The following GRXCR1 variants were observed in gnomAD, a reference collection of about 807,000 sequenced individuals.
GRXCR1 encodes the protein glutaredoxin domain-containing cysteine-rich protein 1.
In GRXCR1, 27 loss-of-function variants were observed where a neutral mutation model predicts 27.3. That is an observed-to-expected ratio of 0.99 (90% confidence interval 0.73 to 1.37). The LOEUF (loss-of-function observed/expected upper bound fraction) is 1.37, where lower values mean the gene tolerates loss of function less well. Ranked by LOEUF, GRXCR1 falls within the 40% of genes most tolerant of loss-of-function variation. The probability of loss-of-function intolerance (pLI) is 0.00; values close to 1 mark genes in which losing one functional copy is unlikely to be tolerated. For synonymous variants in GRXCR1, 122 were observed against 131.1 expected, an observed-to-expected ratio of 0.93 and a Z score of 0.47; for missense variants, 379 against 354.4, an observed-to-expected ratio of 1.07 and a Z score of -0.56.
At chr4:42,932,663 G>GA (rs1401583780) in intron 1 of GRXCR1, among the ~76,000 whole-genome samples, 7 of 115,914 alleles carry the variant, frequency 6.0e-5, no homozygotes, top group African/African-American at 2.3e-4. Context: ...GAGAGAGAGA[G>GA]AGGCAATCTG....
intron 1 of GRXCR1, among the ~76,000 whole-genome samples, chr4:42,926,326 G>A (rs1271790185): frequency 6.6e-6 from 1 of 152,050 alleles, no homozygotes; most frequent in Non-Finnish European, 1.5e-5. Context: ...CATATGAGCA[G>A]AAATTATTTT....
intron 1 of GRXCR1, among the ~76,000 whole-genome samples, chr4:42,949,900 A>C (rs1047905128): frequency 1.3e-5 from 2 of 152,156 alleles, no homozygotes; most frequent in African/African-American, 4.8e-5. Context: ...TATTCTGGGA[A>C]TTCTACAGGG....
intron 1 of GRXCR1, among the ~76,000 whole-genome samples, chr4:42,895,802 C>T (rs2109734797): frequency 6.6e-6 from 1 of 152,234 alleles, no homozygotes; most frequent in South Asian, 2.1e-4. Context: ...AGGCATCCCA[C>T]AGAGAAGCCC....
intron 1 of GRXCR1, among the ~76,000 whole-genome samples, chr4:42,925,940 A>T (rs986254522): frequency 4.6e-5 from 7 of 152,044 alleles, no homozygotes; most frequent in African/African-American, 1.7e-4. Context: ...AAGTTCAGAT[A>T]ACTCTGGGTC....
chr4:42,948,205 G>C (rs1237540538), intron 1 of GRXCR1, among the ~76,000 whole-genome samples: 1 of 145,862 alleles, frequency 6.9e-6, no homozygotes, highest in Non-Finnish European at 1.5e-5. Context: ...GTCATGCTCT[G>C]TGTTTGCTTT....
chr4:42,895,649 CT>C (rs1314933661), intron 1 of GRXCR1, among the ~76,000 whole-genome samples: 1 of 152,072 alleles, frequency 6.6e-6, no homozygotes, highest in African/African-American at 2.4e-5. Context: ...AATGGTACCC[CT>C]TAAAGTTGTG....
At chr4:43,020,682 C>T (rs957582513) in intron 3 of GRXCR1, among the ~76,000 whole-genome samples, 3 of 152,096 alleles carry the variant, frequency 2.0e-5, no homozygotes, top group Non-Finnish European at 4.4e-5. Context: ...GTAATACAGA[C>T]GTTGATGAGG....
At chr4:42,901,118 G>A (rs530360698) in intron 1 of GRXCR1, among the ~76,000 whole-genome samples, 1 of 152,232 alleles carries the variant, frequency 6.6e-6, no homozygotes, top group African/African-American at 2.4e-5. Flanking sequence ...CAGAAATCAA[G>A]AACATGGTCA....
intron 1 of GRXCR1, among the ~76,000 whole-genome samples, chr4:42,939,716 T>C (rs1747564880): frequency 6.6e-6 from 1 of 152,082 alleles, no homozygotes; most frequent in Non-Finnish European, 1.5e-5. Flanking sequence ...ATTATTGTAC[T>C]GGAGTCCAGA....
intron 1 of GRXCR1, among the ~76,000 whole-genome samples, chr4:42,909,572 T>C (rs1746671200): frequency 6.6e-6 from 1 of 152,198 alleles, no homozygotes; most frequent in Non-Finnish European, 1.5e-5. Flanking sequence ...TGCCATCTGG[T>C]TAGCCAATTT....
chr4:43,011,717 T>C (rs1427223447), intron 2 of GRXCR1, among the ~76,000 whole-genome samples: 1 of 152,180 alleles, frequency 6.6e-6, no homozygotes, highest in East Asian at 1.9e-4. Flanking sequence ...GAGCAACATA[T>C]GACTTGTTAG....
chr4:43,012,604 T>C (rs1712795153), intron 2 of GRXCR1, among the ~76,000 whole-genome samples: 4 of 152,174 alleles, frequency 2.6e-5, no homozygotes, highest in Admixed American at 2.6e-4. Flanking sequence ...TCATATTATG[T>C]GTCATGCAAC....
intron 2 of GRXCR1, among the ~76,000 whole-genome samples, chr4:42,987,033 T>TGC (rs58630694): frequency 6.7e-6 from 1 of 148,676 alleles, no homozygotes; most frequent in Non-Finnish European, 1.5e-5. Flanking sequence ...TGTGTGTGTG[T>TGC]TTAGGGGGTA....
At chr4:42,918,506 C>T (rs1746936814) in intron 1 of GRXCR1, among the ~76,000 whole-genome samples, 1 of 152,056 alleles carries the variant, frequency 6.6e-6, no homozygotes, top group Non-Finnish European at 1.5e-5. Context: ...TCCACTTCTG[C>T]TGAACATGAG....
At chr4:43,019,527 G>A (rs776851154) in intron 2 of GRXCR1, among the ~76,000 whole-genome samples, 1 of 152,132 alleles carries the variant, frequency 6.6e-6, no homozygotes, top group African/African-American at 2.4e-5. Flanking sequence ...CATGGTCTCC[G>A]TCTTTGATTA....
At chr4:42,924,700 A>T (rs997872123) in intron 1 of GRXCR1, among the ~76,000 whole-genome samples, 1 of 152,074 alleles carries the variant, frequency 6.6e-6, no homozygotes. Context: ...CCTAGAACTT[A>T]CTTCCTAATT....
intron 1 of GRXCR1, among the ~76,000 whole-genome samples, chr4:42,932,599 TATATATATATATATATATATAGAGAGAG>T (rs1337092412): frequency 1.7e-5 from 1 of 57,724 alleles, no homozygotes; most frequent in Non-Finnish European, 3.3e-5. Flanking sequence ...TATATATATA[TATATATATATATATATATATAGAGAGAG>T]AGAGAGAGAG....
intron 1 of GRXCR1, among the ~76,000 whole-genome samples, chr4:42,927,774 G>T (rs1747195330): frequency 6.6e-6 from 1 of 151,968 alleles, no homozygotes; most frequent in African/African-American, 2.4e-5. Flanking sequence ...TAGAAATATG[G>T]GAAGTAGGAA....
At chr4:42,947,924 A>T (rs1171976607) in intron 1 of GRXCR1, among the ~76,000 whole-genome samples, 5 of 152,336 alleles carry the variant, frequency 3.3e-5, no homozygotes, top group Middle Eastern at 3.4e-3. Flanking sequence ...CTATTATTGC[A>T]CACATCTACT....
Sources: allele counts gnomAD v4.1 joint callset (sites outside exome capture counted in the v4.1 genomes callset), GRCh38; gene constraint gnomAD v4.1.1; transcripts MANE v1.5; gene names NCBI Gene and HGNC (gene_info 2026-07-23, HGNC 2026-07-21).